GABPB2: variants seen among roughly 807,000 people sequenced by gnomAD.
GABPB2 encodes the protein GA-binding protein subunit beta-2.
Under a neutral mutation model 39.1 loss-of-function variants are expected in GABPB2, and 23 were observed. The ratio of observed to expected loss-of-function variants is 0.59; its 90% CI spans 0.42 to 0.83. GABPB2 has a LOEUF of 0.83. Ranked by LOEUF, GABPB2 falls within the 40% of genes least tolerant of loss-of-function variation. The pLI is 0.00. For missense variants in GABPB2, 467 were observed against 541.1 expected, an observed-to-expected ratio of 0.86 and a Z score of 1.36; for synonymous variants, 184 against 199.3, an observed-to-expected ratio of 0.92 and a Z score of 0.65.
chr1:151,093,114 C>G, intron 3 of GABPB2, 78 bp from the exon 4 acceptor site: 1 of 1,101,234 alleles, frequency 9.1e-7, no homozygotes, highest in Non-Finnish European at 1.3e-6. Flanking sequence ...TATGGAAATC[C>G]TCTGTATTTG....
At chr1:151,087,365 GGCCGGGC>G (rs1243486398) in intron 1 of GABPB2, among the ~76,000 whole-genome samples, 1 of 151,954 alleles carries the variant, frequency 6.6e-6, no homozygotes, top group Non-Finnish European at 1.5e-5. Flanking sequence ...ATGTAGTTTG[GGCCGGGC>G]GCAGTGGCTC....
At chr1:151,091,586 T>C (rs1678718174) in intron 3 of GABPB2, among the ~76,000 whole-genome samples, 1 of 150,194 alleles carries the variant, frequency 6.7e-6, no homozygotes, top group Admixed American at 6.7e-5. Context: ...GCGATTCTCC[T>C]ACCTCAGCCT....
Position 151,105,522 on chromosome 1 carries a change from A to AT in GABPB2, c.737-1514dup, listed in dbSNP as rs1007826138. Among the ~76,000 whole-genome samples, 18 of 151,314 alleles carry AT rather than the reference A, an allele frequency of 1.2e-4. No individual in the cohort carries two copies. The South Asian group carries it at 1.2e-3, about 10-fold the overall frequency. On this transcript the variant is annotated intron_variant, in intron 6 of 8. Transcript: ENST00000368918. The stretch of plus-strand genomic sequence containing the variant: ...ATATATATGTTTGGGGTTTCTTTTG[A>AT]TACAGACAGGATCTTATTCTGTTAT...
In GABPB2 at chr1:151,102,440, TTATTTATA is replaced by T. The variant is rs1173106243; in HGVS notation, c.623-1114_623-1107del. On this transcript the variant is annotated intron_variant, in intron 5 of 8. Coordinates refer to ENST00000368918, the MANE Select transcript of GABPB2 (RefSeq NM_144618.3). ...TTTGACATTCAATATATGAAACTTT[TTATTTATA>T]TATTTATTTATTGAGATGGAGTCTT... 2.0e-5 allele frequency among the ~76,000 whole-genome samples: 3 copies of T among 152,308 alleles called. No homozygotes were observed. In the East Asian group the frequency reaches 5.8e-4, roughly 29 times the overall value.
intron 5 of GABPB2, among the ~76,000 whole-genome samples, chr1:151,098,250 A>C (rs1403871223): frequency 6.6e-6 from 1 of 152,188 alleles, no homozygotes. Context: ...ACAGTGGCTC[A>C]TATCTGTAAT....
Position 151,097,988 on chromosome 1 carries a change from C to G in GABPB2, c.608C>G (p.Thr203Ser). Reference protein sequence around the residue: ...NLASLISSTNTKTTSGDPHAS... With the variant: ...NLASLISSTNSKTTSGDPHAS... ...GCAAGCCTTATTTCTTCAACCAACA[C>G]CAAAACAACCTCAGGTAATGTTCTG... Residue 203 changes from threonine to serine, a missense_variant, in exon 5 of 9, where the codon ACC becomes AGC. Transcript: ENST00000368918. The G allele has an allele frequency of 6.2e-7, 1 of 1,613,882 alleles. No individual in the cohort carries two copies. Among genetic ancestry groups the G allele is most frequent in the South Asian group, 1.1e-5 (1 of 91,066 alleles).
rs1055825050 is a variant in GABPB2 at position 151,121,814 on chromosome 1, G to A, written c.*3558G>A. 3 of 152,166 alleles carry A rather than the reference G, an allele frequency of 2.0e-5. No individual in the cohort carries two copies. Among genetic ancestry groups the A allele is most frequent in the Admixed American group, 1.3e-4 (2 of 15,268 alleles). 9.4% of individuals were successfully genotyped at this position (152,166 alleles called of 1,614,324 possible). On this transcript the variant is annotated 3_prime_UTR_variant, in exon 9 of 9. Transcript: ENST00000368918. ...AAGGGAATATGGATGGAGAGAGAGAGGTTATGAACAGGTTATGTTACAGAG... is the reference window on the plus strand; with the variant it reads ...AAGGGAATATGGATGGAGAGAGAGAAGTTATGAACAGGTTATGTTACAGAG...
At chr1:151,081,508 C>CA (rs1481840360) in intron 1 of GABPB2, among the ~76,000 whole-genome samples, 1 of 151,882 alleles carries the variant, frequency 6.6e-6, no homozygotes, top group Non-Finnish European at 1.5e-5. Flanking sequence ...AAAAAAGAAA[C>CA]AAAGAAACAA....
intron 4 of GABPB2, among the ~76,000 whole-genome samples, chr1:151,097,248 C>A (rs1294259906): frequency 1.3e-5 from 2 of 151,966 alleles, no homozygotes; most frequent in Non-Finnish European, 2.9e-5. Context: ...AAACAAGATT[C>A]ATAGAGGTTG....
At chr1:151,083,987 C>T (rs1455255452) in intron 1 of GABPB2, among the ~76,000 whole-genome samples, 1 of 150,868 alleles carries the variant, frequency 6.6e-6, no homozygotes, top group Non-Finnish European at 1.5e-5. Context: ...GATCCAGCCC[C>T]CTCAGCCTCC....
chr1:151,097,997 C>T lies in GABPB2; in HGVS notation c.617C>T (p.Thr206Ile). The T allele has an allele frequency of 6.2e-7, 1 of 1,613,862 alleles. No individual in the cohort carries two copies. The highest frequency in any genetic ancestry group is 8.5e-7 in the Non-Finnish European group (1 of 1,179,904). Residue 206 changes from threonine (T) to isoleucine (I), a missense_variant, in exon 5 of 9, where the codon ACC becomes ATC. Physicochemically the swap from Thr to Ile is moderately conservative, Grantham distance 89. Transcript: ENST00000368918. ...ATTTCTTCAACCAACACCAAAACAA[C>T]CTCAGGTAATGTTCTGATAACATGA... ...SLISSTNTKT[T>I]SGDPHASTVQ...
At position 151,107,871 on chromosome 1, in the gene GABPB2, G is replaced by T. The variant is rs187688730; in HGVS notation, c.922+649G>T. On this transcript the variant is annotated intron_variant, in intron 7 of 8. Transcript: ENST00000368918. ...GATCACTTGAGCCCAGGAGGTTGAGGCTGTACTGAGCCGTGATTGTGCTAC... is the reference window on the plus strand; with the variant it reads ...GATCACTTGAGCCCAGGAGGTTGAGTCTGTACTGAGCCGTGATTGTGCTAC... Among the ~76,000 whole-genome samples the T allele has an allele frequency of 6.6e-5, 10 of 152,102 alleles. No individual in the cohort carries two copies. In the East Asian group the frequency reaches 1.5e-3, roughly 24 times the overall value.
chr1:151,087,733 A>G (rs1678325664), intron 1 of GABPB2, among the ~76,000 whole-genome samples: 1 of 152,174 alleles, frequency 6.6e-6, no homozygotes, highest in African/African-American at 2.4e-5. Context: ...ACCTCCAGAG[A>G]GAGCAGTTAG....
intron 1 of GABPB2, among the ~76,000 whole-genome samples, chr1:151,081,663 C>G (rs1384732381): frequency 6.6e-6 from 1 of 151,146 alleles, no homozygotes; most frequent in African/African-American, 2.4e-5. Context: ...TAGATGGTGT[C>G]TCGCTCTGTC....
In GABPB2 at chr1:151,116,412, A is replaced by AC. The variant is rs1277876235; in HGVS notation, c.923-980_923-979insC. ...GCAAAATTCCATCTCAAAAAAAAAA[A>AC]AAAAACAACTTTTAGCCATTCTGAC... On this transcript the variant is annotated intron_variant, in intron 7 of 8. Transcript: ENST00000368918. Among the ~76,000 whole-genome samples the AC allele has an allele frequency of 1.3e-4, 20 of 151,644 alleles. No homozygotes were observed. The South Asian group carries it at 2.9e-3, about 22-fold the overall frequency.
intron 7 of GABPB2, among the ~76,000 whole-genome samples, chr1:151,116,759 C>T (rs1680909605): frequency 6.6e-6 from 1 of 152,090 alleles, no homozygotes; most frequent in African/African-American, 2.4e-5. Flanking sequence ...AGGCATGCTC[C>T]ACCATGCCTG....
intron 4 of GABPB2, among the ~76,000 whole-genome samples, chr1:151,095,006 T>C (rs1313508756): frequency 4.4e-5 from 3 of 68,288 alleles, no homozygotes; most frequent in African/African-American, 1.3e-4. Flanking sequence ...CAGGATTCCA[T>C]CTCAAAAAAA....
chr1:151,107,555 G>A (rs1475791646), intron 7 of GABPB2, among the ~76,000 whole-genome samples: 6 of 150,622 alleles, frequency 4.0e-5, no homozygotes, highest in Admixed American at 4.0e-4. Flanking sequence ...AGGCTGGAGT[G>A]CAGTGGTGCA....
intron 4 of GABPB2, among the ~76,000 whole-genome samples, chr1:151,097,217 C>A (rs1003689315): frequency 2.0e-5 from 3 of 151,926 alleles, no homozygotes; most frequent in Non-Finnish European, 4.4e-5. Flanking sequence ...TGGCCTGACT[C>A]CCTCATTTTT....
Sources: gnomAD v4.1 joint callset for allele counts (sites outside exome capture counted in the v4.1 genomes callset) on GRCh38, gnomAD v4.1.1 for gene constraint, MANE v1.5 for transcripts, NCBI Gene and HGNC (gene_info 2026-07-23, HGNC 2026-07-21) for gene names.